GOT1: variants seen among roughly 807,000 people sequenced by gnomAD.
The protein encoded by GOT1 is glutamic-oxaloacetic transaminase 1, also known as aspartate aminotransferase, cytoplasmic.
A neutral mutation model predicts 48.2 loss-of-function variants in GOT1; 25 were observed. The ratio of observed to expected loss-of-function variants is 0.52; its 90% CI spans 0.38 to 0.72. The LOEUF (loss-of-function observed/expected upper bound fraction) is 0.72. Among genes scored for constraint, GOT1 ranks in the 30% least tolerant of loss-of-function variants. The pLI is 0.00. For synonymous variants in GOT1, 188 were observed against 193.8 expected (o/e 0.97, Z 0.25); for missense variants, 380 against 520.1 (o/e 0.73, Z 2.62).
Position 99,397,716 on chromosome 10 carries a change from G to C in GOT1, c.1103-30C>G. The C allele has an allele frequency of 1.2e-6, 2 of 1,609,224 alleles. No individual in the cohort carries two copies. The highest frequency in any genetic ancestry group is 1.1e-5 in the South Asian group (1 of 90,936). On this transcript the variant is annotated intron_variant, in intron 8 of 8. Transcript: ENST00000370508. This position sits in a 1 kb window ranked among gnomAD's most constrained non-coding sequence, Gnocchi z 5.4. ...TGAAAACCAAAAGAAGACATAATCA[G>C]AGCAGAGGGGATCCTTAAAGCAGTG...
At chr10:99,400,430 G>T (rs1366434382) in intron 8 of GOT1, among the ~76,000 whole-genome samples, 1 of 149,948 alleles carries the variant, frequency 6.7e-6, no homozygotes, top group East Asian at 2.0e-4. Context: ...CAGATCACTT[G>T]AGCTCAGGAG....
In GOT1 at chr10:99,399,241, G is replaced by A. The variant is rs2032640374; in HGVS notation, c.1103-1555C>T. On this transcript the variant is annotated intron_variant, in intron 8 of 8. Transcript: ENST00000370508. ...TAACTGAGAGTGTGATGCCTTTAAA[G>A]GTCTAAAAGAAATAGACCTTTACCG... 3.3e-5 allele frequency among the ~76,000 whole-genome samples: 5 copies of A among 151,838 alleles called. No homozygotes were observed. The South Asian group carries it at 8.3e-4, about 25-fold the overall frequency.
At chr10:99,401,846 C>T (rs1177710346) in intron 8 of GOT1, among the ~76,000 whole-genome samples, 5 of 151,246 alleles carry the variant, frequency 3.3e-5, no homozygotes, top group South Asian at 2.1e-4. Context: ...CTCGCTCTGT[C>T]GCCCAGGCTG....
At chr10:99,426,860 G>A (rs996886937) in intron 1 of GOT1, among the ~76,000 whole-genome samples, 1 of 152,198 alleles carries the variant, frequency 6.6e-6, no homozygotes, top group Non-Finnish European at 1.5e-5. Flanking sequence ...AAAATCACTG[G>A]AACATTAACT....
At chr10:99,418,061 A>AT (rs980080696) in intron 2 of GOT1, among the ~76,000 whole-genome samples, 2,457 of 149,106 alleles carry the variant, frequency 0.016, 75 homozygotes, top group African/African-American at 0.056. Flanking sequence ...TAAAAAAAAA[A>AT]ATATATATAT....
chr10:99,402,549 G>T, intron 8 of GOT1, 31 bp downstream of exon 8: 3 of 1,611,642 alleles, frequency 1.9e-6, no homozygotes, highest in African/African-American at 1.3e-5. Flanking sequence ...CTACATGCAC[G>T]CATGGGCTGG....
chr10:99,400,068 C>T lies in GOT1; in HGVS notation c.1103-2382G>A, dbSNP rs116590354. ...TGGTTTTGTTTTAGTAAAAATGAGGCCTTTCTACTTTTTCAGAGAAGGGAA... is the reference window on the plus strand; with the variant it reads ...TGGTTTTGTTTTAGTAAAAATGAGGTCTTTCTACTTTTTCAGAGAAGGGAA... On this transcript the variant is annotated intron_variant, in intron 8 of 8. Coordinates refer to ENST00000370508, the MANE Select transcript of GOT1 (RefSeq NM_002079.3). 1.9e-3 allele frequency among the ~76,000 whole-genome samples: 284 copies of T among 152,226 alleles called. 1 individual carries two copies. The highest frequency in any genetic ancestry group is 6.5e-3 in the African/African-American group (269 of 41,538).
At chr10:99,412,415 A>C (rs1040992545) in intron 2 of GOT1, among the ~76,000 whole-genome samples, 3 of 151,814 alleles carry the variant, frequency 2.0e-5, no homozygotes, top group Admixed American at 6.6e-5. Flanking sequence ...AGCATGCAGA[A>C]TGTACTAAAA....
At position 99,403,494 on chromosome 10, in the gene GOT1, A is replaced by C; in HGVS notation, c.934T>G (p.Ser312Ala). Residue 312 changes from serine (S) to alanine (A), a missense_variant, in exon 7 of 9, where the codon TCT becomes GCT. Ser to Ala is a moderately conservative substitution (Grantham distance 99). Coordinates refer to ENST00000370508, the MANE Select transcript of GOT1 (RefSeq NM_002079.3). ...QGARIVASTL[S>A]NPELFEEWTG... is the part of the protein sequence containing the mutation. The stretch of plus-strand genomic sequence containing the variant: ...CATTCCTCAAAGAGCTCAGGGTTAG[A>C]GAGGGTGCTGGCCACAATTCGTGCT... The C allele has an allele frequency of 6.2e-7, 1 of 1,614,010 alleles. No homozygotes were observed. The highest frequency in any genetic ancestry group is 8.5e-7 in the Non-Finnish European group (1 of 1,179,970).
intron 2 of GOT1, among the ~76,000 whole-genome samples, chr10:99,416,915 T>A (rs941551064): frequency 6.6e-6 from 1 of 152,004 alleles, no homozygotes; most frequent in Non-Finnish European, 1.5e-5. Flanking sequence ...TTACACCTTA[T>A]ACAAAAATTA....
intron 1 of GOT1, among the ~76,000 whole-genome samples, chr10:99,424,407 GA>G (rs979292175): frequency 2.0e-5 from 3 of 152,134 alleles, no homozygotes; most frequent in South Asian, 2.1e-4. Flanking sequence ...AGAAATCTTG[GA>G]ACAAGAAAAG....
Position 99,405,165 on chromosome 10 carries a change from A to T in GOT1, c.642+591T>A, listed in dbSNP as rs141515893. Among the ~76,000 whole-genome samples the T allele has an allele frequency of 3.2e-3, 488 of 152,324 alleles. 2 individuals are homozygous for T. The highest frequency in any genetic ancestry group is 4.4e-3 in the Non-Finnish European group (300 of 68,030). On this transcript the variant is annotated intron_variant, in intron 5 of 8. Coordinates refer to ENST00000370508, the MANE Select transcript of GOT1 (RefSeq NM_002079.3). Reference sequence around the variant, plus strand: ...CAATAGTGTATTCCCACAGTGTCCAATACACAGCAGTTCCTTAATAAGTAT... The same window carrying T: ...CAATAGTGTATTCCCACAGTGTCCATTACACAGCAGTTCCTTAATAAGTAT...
chr10:99,429,074 G>C (rs546521018), intron 1 of GOT1, among the ~76,000 whole-genome samples: 1 of 148,458 alleles, frequency 6.7e-6, no homozygotes, highest in Non-Finnish European at 1.5e-5. Context: ...TTTTGAGAAA[G>C]AGTCTCGCTC....
At chr10:99,406,297 G>A in intron 3 of GOT1, 48 bp from the exon 4 acceptor site, 3 of 1,333,068 alleles carry the variant, frequency 2.3e-6, no homozygotes, top group Middle Eastern at 1.8e-4. Context: ...ACACTAGGAG[G>A]CATGAGTGGA....
chr10:99,401,072 A>G (rs1177025342), intron 8 of GOT1, among the ~76,000 whole-genome samples: 2 of 152,256 alleles, frequency 1.3e-5, no homozygotes, highest in Non-Finnish European at 2.9e-5. Context: ...AATTCGTGAT[A>G]TTAATAAAAC....
intron 1 of GOT1, among the ~76,000 whole-genome samples, chr10:99,421,825 C>G (rs1223182116): frequency 6.6e-6 from 1 of 151,938 alleles, no homozygotes; most frequent in Non-Finnish European, 1.5e-5. Flanking sequence ...TAGAGTGATA[C>G]TGATTTTTAT....
chr10:99,409,373 C>T (rs1299854525), intron 2 of GOT1, among the ~76,000 whole-genome samples: 5 of 152,076 alleles, frequency 3.3e-5, no homozygotes. Context: ...CCTCGTGATC[C>T]GCCTGCCTCG....
chr10:99,418,746 G>T (rs552747929), intron 2 of GOT1, among the ~76,000 whole-genome samples: 1 of 152,078 alleles, frequency 6.6e-6, no homozygotes, highest in African/African-American at 2.4e-5. Flanking sequence ...CAAGTAATCT[G>T]CCCACCTTGG....
At chr10:99,412,729 G>A (rs1476389870) in intron 2 of GOT1, among the ~76,000 whole-genome samples, 1 of 152,082 alleles carries the variant, frequency 6.6e-6, no homozygotes, top group Non-Finnish European at 1.5e-5. Context: ...ACATGGCCGG[G>A]TACCCCTCTG....
Sources: allele counts gnomAD v4.1 joint callset (sites outside exome capture counted in the v4.1 genomes callset), GRCh38; gene constraint gnomAD v4.1.1; non-coding constraint Gnocchi (gnomAD v3.1); transcripts MANE v1.5; gene names NCBI Gene and HGNC (gene_info 2026-07-23, HGNC 2026-07-21).